Variants in PRSS27 observed in about 807,000 individuals in gnomAD.
The protein encoded by PRSS27 is channel-activating protease 2.
In PRSS27, 25 loss-of-function variants were observed where a neutral mutation model predicts 32.0. The ratio of observed to expected loss-of-function variants is 0.78; its 90% confidence interval spans 0.57 to 1.09. PRSS27 has a LOEUF of 1.09. Ranked by LOEUF, PRSS27 falls within the 50% of genes least tolerant of loss-of-function variation. PRSS27 has a pLI of 0.00. For missense variants in PRSS27, 401 were observed against 394.9 expected (o/e 1.02, Z -0.13); for synonymous variants, 178 against 172.2 (o/e 1.03, Z -0.26).
In PRSS27 at chr16:2,714,703, G is replaced by C. The variant is rs2067690185; in HGVS notation, c.237-367C>G. 3.4e-5 allele frequency: 10 copies of C among 289,918 alleles called. No homozygotes were observed. In the South Asian group the frequency reaches 3.5e-4, roughly 10 times the overall value. The allele number at this position is 289,918 out of a possible 1,614,324, so 18.0% of individuals were successfully genotyped here. A position where few individuals can be genotyped will look rare whatever the true frequency, so the allele number is the denominator to read the frequency against. The stretch of plus-strand genomic sequence containing the variant: ...GGGCCAGCCCCACCTGCGGGCCTCT[G>C]GCAGGTGACCTGCCCTCTCTCAGCC... On this transcript the variant is annotated intron_variant, in intron 3 of 5. Transcript: ENST00000302641. This position sits in a 1 kb window ranked among gnomAD's most constrained non-coding sequence, Gnocchi z 4.7.
At position 2,712,685 on chromosome 16, in the gene PRSS27, TGTG is replaced by T; in HGVS notation, c.805_807del (p.His269del). ...TTGGGGATGATCCGATGGATCCAGTTGTGGTGGGCGGTGACACGGATGTAGACA... is the reference window on the plus strand; with the variant it reads ...TTGGGGATGATCCGATGGATCCAGTTGTGGGCGGTGACACGGATGTAGACA... On this transcript the variant is annotated inframe_deletion, in exon 6 of 6. Coordinates refer to ENST00000302641, the MANE Select transcript of PRSS27 (RefSeq NM_031948.5). This position sits in a 1 kb window ranked among gnomAD's most constrained non-coding sequence, Gnocchi z 4.6. 6.3e-7 allele frequency: 1 copy of T among 1,599,426 alleles called. No individual in the cohort carries two copies. Among genetic ancestry groups the T allele is most frequent in the Non-Finnish European group, 8.5e-7 (1 of 1,172,996 alleles).
At chr16:2,713,446 G>T in intron 5 of PRSS27, 83 bp downstream of exon 5, 2 of 1,389,916 alleles carry the variant, frequency 1.4e-6, no homozygotes, top group Non-Finnish European at 2.0e-6. Context: ...TGAATGCATA[G>T]CCCATGGAGC....
intron 3 of PRSS27, chr16:2,715,276 T>C (rs938439840): frequency 6.1e-6 from 1 of 163,020 alleles, no homozygotes; most frequent in Admixed American, 6.4e-5. Context: ...TGCTCAGGGC[T>C]TTCTGGGGTG....
rs1356278303 is a variant in PRSS27 at position 2,714,749 on chromosome 16, T to C, written c.237-413A>G. ...CAGCCCGAGTTTCCGATTTTTTTTT[T>C]CCCCTAGAGACAGAGTTCTCATTCT... On this transcript the variant is annotated intron_variant, in intron 3 of 5. Coordinates refer to ENST00000302641, the MANE Select transcript of PRSS27 (RefSeq NM_031948.5). This position sits in a 1 kb window ranked among gnomAD's most constrained non-coding sequence, Gnocchi z 4.7. 3.3e-5 allele frequency: 8 copies of C among 243,756 alleles called. No individual in the cohort carries two copies. Among genetic ancestry groups the C allele is most frequent in the Admixed American group, 1.1e-4 (2 of 18,852 alleles). 15.1% of individuals were successfully genotyped at this position (243,756 alleles called of 1,614,324 possible).
intron 5 of PRSS27, 165 bp downstream of exon 5, chr16:2,713,364 C>T: frequency 1.4e-6 from 1 of 733,792 alleles, no homozygotes; most frequent in Non-Finnish European, 2.4e-6. Flanking sequence ...TCCCAAAGTG[C>T]TGGGATTACA....
chr16:2,716,383 C>T, intron 2 of PRSS27, 117 bp downstream of exon 2: 1 of 964,544 alleles, frequency 1.0e-6, no homozygotes, highest in South Asian at 1.4e-5. Context: ...CCCCCACTTT[C>T]CCCTCCTCTG....
rs2067708272 is a variant in PRSS27 at position 2,717,312 on chromosome 16, G to A, written c.47-786C>T. ...GGTCGTTCGGGGGAACCAAGGATGG[G>A]AACATATTTTCTGCTGTCCATTGCC... On this transcript the variant is annotated intron_variant, in intron 1 of 5. Coordinates refer to ENST00000302641, the MANE Select transcript of PRSS27 (RefSeq NM_031948.5). This position sits in a 1 kb window ranked among gnomAD's most constrained non-coding sequence, Gnocchi z 4.1. The A allele has an allele frequency of 6.6e-6, 1 of 152,404 alleles. No homozygotes were observed. The highest frequency in any genetic ancestry group is 1.5e-5 in the Non-Finnish European group (1 of 68,224). 9.4% of individuals were successfully genotyped at this position (152,404 alleles called of 1,614,324 possible).
chr16:2,719,900 G>T (rs538552134), intron 1 of PRSS27, among the ~76,000 whole-genome samples: 29 of 152,258 alleles, frequency 1.9e-4, no homozygotes, highest in African/African-American at 6.3e-4. Context: ...GTCCTCTGGG[G>T]CCTGTGCGCA....
In PRSS27 at chr16:2,715,817, C is replaced by T; in HGVS notation, c.137G>A (p.Trp46Ter). Reference sequence around the variant, plus strand: ...GCGCTGGATGCTGACTTGCCAGGGCCACTCGCCCTCCTGCGTGTCCTGCCC... The same window carrying T: ...GCGCTGGATGCTGACTTGCCAGGGCTACTCGCCCTCCTGCGTGTCCTGCCC... ...VGGQDTQEGE[W>*]PWQVSIQRNG... Residue 46 changes from tryptophan (W) to a stop codon, truncating the protein, a stop_gained, in exon 3 of 6, where the codon TGG becomes TAG. Coordinates refer to ENST00000302641, the MANE Select transcript of PRSS27 (RefSeq NM_031948.5). LOFTEE classifies it high-confidence loss of function. 1.2e-6 allele frequency: 2 copies of T among 1,605,832 alleles called. No homozygotes were observed. Among genetic ancestry groups the T allele is most frequent in the South Asian group, 2.2e-5 (2 of 90,176 alleles).
Position 2,714,517 on chromosome 16 carries a change from G to T in PRSS27, c.237-181C>A. ...TGCGTGTTGACATTGAAGCCAGACC[G>T]CCCGACTCAGATTTCCACCTCCACC... On this transcript the variant is annotated intron_variant, in intron 3 of 5. Transcript: ENST00000302641. This position sits in a 1 kb window ranked among gnomAD's most constrained non-coding sequence, Gnocchi z 4.7. 2.9e-6 allele frequency: 2 copies of T among 678,584 alleles called. No homozygotes were observed. Among genetic ancestry groups the T allele is most frequent in the Non-Finnish European group, 5.0e-6 (2 of 401,478 alleles). The allele number at this position is 678,584 out of a possible 1,614,324, so 42.0% of individuals were successfully genotyped here.
intron 1 of PRSS27, among the ~76,000 whole-genome samples, chr16:2,719,639 GCCTGC>G (rs1175936510): frequency 2.0e-5 from 3 of 152,176 alleles, no homozygotes; most frequent in African/African-American, 7.2e-5. Flanking sequence ...TCTCTACTGA[GCCTGC>G]AGCCAGCCTG....
rs1184591303 is a variant in PRSS27 at position 2,712,891 on chromosome 16, G to A, written c.679-77C>T. 5.9e-6 allele frequency: 7 copies of A among 1,176,872 alleles called. No homozygotes were observed. Among genetic ancestry groups the A allele is most frequent in the East Asian group, 2.6e-5 (1 of 38,352 alleles). The allele number at this position is 1,176,872 out of a possible 1,614,324, so 72.9% of individuals were successfully genotyped here. On this transcript the variant is annotated intron_variant, in intron 5 of 5. Coordinates refer to ENST00000302641, the MANE Select transcript of PRSS27 (RefSeq NM_031948.5). The surrounding 1 kb of genome is among the most constrained non-coding windows in gnomAD (Gnocchi z 4.6). Reference sequence around the variant, plus strand: ...TCAGTTGCAGCCGCACAGGAGGTGTGTAGCTCCGCAATGGATTCCTTCTCT... The same window carrying A: ...TCAGTTGCAGCCGCACAGGAGGTGTATAGCTCCGCAATGGATTCCTTCTCT...
In PRSS27 at chr16:2,715,573, C is replaced by G. The variant is rs2067695825; in HGVS notation, c.236+145G>C. Reference sequence around the variant, plus strand: ...GCCCTGGAGTTGGACCTAAGGGAAGCATCTGGGTGGGAGGGGCTGGACCAG... The same window carrying G: ...GCCCTGGAGTTGGACCTAAGGGAAGGATCTGGGTGGGAGGGGCTGGACCAG... On this transcript the variant is annotated intron_variant, in intron 3 of 5. Transcript: ENST00000302641. The G allele has an allele frequency of 2.2e-5, 13 of 584,024 alleles. No homozygotes were observed. The South Asian group carries it at 2.9e-4, about 13-fold the overall frequency. 36.2% of individuals were successfully genotyped at this position (584,024 alleles called of 1,614,324 possible).
At chr16:2,715,693 C>G (rs1490454925) in intron 3 of PRSS27, 25 bp downstream of exon 3, 2 of 1,535,946 alleles carry the variant, frequency 1.3e-6, no homozygotes, top group Non-Finnish European at 8.8e-7. Flanking sequence ...GCGCTATGGG[C>G]GGGGGCAGGG....
intron 3 of PRSS27, 40 bp downstream of exon 3, chr16:2,715,678 T>A: frequency 1.3e-6 from 2 of 1,516,902 alleles, no homozygotes; most frequent in Admixed American, 2.0e-5. Flanking sequence ...CGCGGGGCGC[T>A]GTCAGCGCTA....
intron 2 of PRSS27, 79 bp from the exon 3 acceptor site, chr16:2,715,959 T>G (rs1335922469): frequency 7.0e-6 from 9 of 1,290,384 alleles, no homozygotes; most frequent in Non-Finnish European, 9.5e-6. Context: ...AGCCTCACAC[T>G]CCAGTCCTCG....
chr16:2,712,748 A>G lies in PRSS27; in HGVS notation c.745T>C (p.Trp249Arg). 1 of 1,588,068 alleles carries G rather than the reference A, an allele frequency of 6.3e-7. No homozygotes were observed. ...QSWLQAGVIS[W>R]GEGCARQNRP... ...TTCTGGCGGGCACAGCCCTCACCCCAGCTGATCACCCCCGCCTGCAGCCAC... is the reference window on the plus strand; with the variant it reads ...TTCTGGCGGGCACAGCCCTCACCCCGGCTGATCACCCCCGCCTGCAGCCAC... The change falls in exon 6 of 6, where the codon TGG becomes CGG. Residue 249 changes from tryptophan (W) to arginine (R), a missense_variant. By Grantham distance (101) the Trp-to-Arg change is moderately radical. Transcript: ENST00000302641. This position sits in a 1 kb window ranked among gnomAD's most constrained non-coding sequence, Gnocchi z 4.6.
At chr16:2,720,029 G>A in intron 1 of PRSS27, 86 bp downstream of exon 1, 7 of 1,264,746 alleles carry the variant, frequency 5.5e-6, no homozygotes, top group African/African-American at 1.5e-5. Context: ...GTCCCAGGGA[G>A]TAGGGGGCTG....
chr16:2,717,520 G>A lies in PRSS27; in HGVS notation c.47-994C>T, dbSNP rs1342301258. Reference sequence around the variant, plus strand: ...CTGCACTCCACGCGTCTGATTCTGTGGGGGCAAGATTCGCCCGTAGCTGGG... The same window carrying A: ...CTGCACTCCACGCGTCTGATTCTGTAGGGGCAAGATTCGCCCGTAGCTGGG... On this transcript the variant is annotated intron_variant, in intron 1 of 5. Transcript: ENST00000302641. The surrounding 1 kb of genome is among the most constrained non-coding windows in gnomAD (Gnocchi z 4.1). 3 of 152,354 alleles carry A rather than the reference G, an allele frequency of 2.0e-5. No individual in the cohort carries two copies. Among genetic ancestry groups the A allele is most frequent in the Non-Finnish European group, 4.4e-5 (3 of 68,268 alleles). 9.4% of individuals were successfully genotyped at this position (152,354 alleles called of 1,614,324 possible). A position where few individuals can be genotyped will look rare whatever the true frequency, so the allele number is the denominator to read the frequency against.
Sources: allele counts gnomAD v4.1 joint callset (sites outside exome capture counted in the v4.1 genomes callset), GRCh38; gene constraint gnomAD v4.1.1; non-coding constraint Gnocchi (gnomAD v3.1); transcripts MANE v1.5; gene names NCBI Gene and HGNC (gene_info 2026-07-23, HGNC 2026-07-21).